Variants in COG6 observed in about 807,000 individuals in gnomAD.
The protein encoded by COG6 is conserved oligomeric Golgi complex subunit 6.
Under a neutral mutation model 88.8 loss-of-function variants are expected in COG6, and 74 were observed. The ratio of observed to expected loss-of-function variants is 0.83; its 90% CI spans 0.69 to 1.01. The LOEUF (loss-of-function observed/expected upper bound fraction) is 1.01. Among genes scored for constraint, COG6 ranks in the 50% least tolerant of loss-of-function variants. The pLI is 0.00. For synonymous variants in COG6, 286 were observed against 278.7 expected, an observed-to-expected ratio of 1.03 and a Z score of -0.26; for missense variants, 800 against 797.9, an observed-to-expected ratio of 1.00 and a Z score of -0.03.
chr13:39,721,692 AAAGT>A lies in COG6; in HGVS notation c.1585-1638_1585-1635del, dbSNP rs1878858497. ...AAGGTGTGGTTTATCACGTTTCTCC[AAAGT>A]AACAATTTACCTTGTTGGGTAAAGG... On this transcript the variant is annotated intron_variant, in intron 15 of 18. Transcript: ENST00000455146. Among the ~76,000 whole-genome samples, 3 of 152,246 alleles carry A rather than the reference AAAGT, an allele frequency of 2.0e-5. No individual in the cohort carries two copies. The South Asian group carries it at 6.2e-4, about 32-fold the overall frequency.
intron 18 of COG6, among the ~76,000 whole-genome samples, chr13:39,747,386 T>A (rs946492619): frequency 2.0e-5 from 3 of 152,188 alleles, no homozygotes; most frequent in African/African-American, 7.2e-5. Context: ...CTGTTGGCTT[T>A]AGCAGGCAGT....
intron 11 of COG6, among the ~76,000 whole-genome samples, chr13:39,694,056 A>G (rs2138020986): frequency 6.6e-6 from 1 of 151,972 alleles, no homozygotes; most frequent in African/African-American, 2.4e-5. Context: ...TTAATTAGAA[A>G]AGATTCATAT....
chr13:39,725,491 A>G (rs943427673), intron 17 of COG6, among the ~76,000 whole-genome samples: 4 of 152,060 alleles, frequency 2.6e-5, no homozygotes, highest in Admixed American at 6.6e-5. Context: ...AGGCTTTCCT[A>G]TATATTATCT....
At chr13:39,709,347 A>G (rs1054386905) in intron 13 of COG6, among the ~76,000 whole-genome samples, 1 of 152,008 alleles carries the variant, frequency 6.6e-6, no homozygotes, top group African/African-American at 2.4e-5. Flanking sequence ...TGTTACATTT[A>G]TATATTATGT....
chr13:39,776,508 C>T (rs1282516103), intron 18 of COG6, among the ~76,000 whole-genome samples: 2 of 152,184 alleles, frequency 1.3e-5, no homozygotes, highest in African/African-American at 4.8e-5. Context: ...AGTCCCCTTG[C>T]CTGGTAACGT....
At chr13:39,777,046 A>G (rs1233271148) in intron 18 of COG6, among the ~76,000 whole-genome samples, 5 of 152,200 alleles carry the variant, frequency 3.3e-5, no homozygotes, top group Non-Finnish European at 5.9e-5. Flanking sequence ...CAAATTAACA[A>G]CAACACTTGC....
rs1220177885 is a variant in COG6 at position 39,659,251 on chromosome 13, G to A, written c.154-113G>A. ...TTTGAAGGTCATTCAATATTTTTCG[G>A]ATTGGTTAATGAAAATAAATCATTT... is the stretch of plus-strand genomic sequence containing the variant. On this transcript the variant is annotated intron_variant, in intron 1 of 18. Coordinates refer to ENST00000455146, the MANE Select transcript of COG6 (RefSeq NM_020751.3). 2.8e-5 allele frequency: 28 copies of A among 992,362 alleles called. No homozygotes were observed. In the East Asian group the frequency reaches 7.0e-4, roughly 25 times the overall value. 61.5% of individuals were successfully genotyped at this position (992,362 alleles called of 1,614,324 possible). A position where few individuals can be genotyped will look rare whatever the true frequency, so the allele number is the denominator to read the frequency against.
chr13:39,786,407 A>C (rs926987355), intron 18 of COG6, among the ~76,000 whole-genome samples: 2 of 152,172 alleles, frequency 1.3e-5, no homozygotes, highest in African/African-American at 4.8e-5. Context: ...GGACAAGGGC[A>C]TGTGGTTCTA....
chr13:39,743,786 C>T (rs1880182713), intron 18 of COG6, among the ~76,000 whole-genome samples: 1 of 152,062 alleles, frequency 6.6e-6, no homozygotes, highest in Non-Finnish European at 1.5e-5. Flanking sequence ...CAAAGCCTGG[C>T]AGAGACACAA....
intron 18 of COG6, among the ~76,000 whole-genome samples, chr13:39,764,327 ATTT>A (rs138381502): frequency 6.7e-6 from 1 of 148,556 alleles, no homozygotes; most frequent in East Asian, 2.0e-4. Context: ...TACTTGGTTG[ATTT>A]TTTTTTTATT....
chr13:39,656,074 G>A (rs1030708417), intron 1 of COG6, 195 bp downstream of exon 1: 13 of 736,930 alleles, frequency 1.8e-5, no homozygotes, highest in Non-Finnish European at 3.2e-5. Flanking sequence ...GCAACCTCCG[G>A]AAAAGCGAAG....
chr13:39,656,160 CT>C (rs1566165685), intron 1 of COG6: 1 of 587,124 alleles, frequency 1.7e-6, no homozygotes, highest in South Asian at 1.5e-5. Context: ...ACGGTGGTGC[CT>C]CGAGAAGTGT....
At chr13:39,695,377 G>A (rs1440813688) in intron 12 of COG6, among the ~76,000 whole-genome samples, 1 of 151,628 alleles carries the variant, frequency 6.6e-6, no homozygotes, top group Non-Finnish European at 1.5e-5. Context: ...GTATACCCGT[G>A]AGTTTTATTA....
At chr13:39,737,200 G>A (rs977238040) in intron 18 of COG6, among the ~76,000 whole-genome samples, 3 of 152,086 alleles carry the variant, frequency 2.0e-5, no homozygotes, top group Non-Finnish European at 2.9e-5. Flanking sequence ...GAGCTGCCTC[G>A]GAGCTGGGGG....
At chr13:39,754,329 A>G (rs1416594033), downstream of COG6, among the ~76,000 whole-genome samples, 1 of 152,178 alleles carries the variant, frequency 6.6e-6, no homozygotes, top group East Asian at 1.9e-4. Context: ...GCAGTGAGAA[A>G]ATGAATGGTT....
intron 18 of COG6, among the ~76,000 whole-genome samples, chr13:39,733,454 G>T (rs1287063900): frequency 6.6e-6 from 1 of 152,090 alleles, no homozygotes; most frequent in Non-Finnish European, 1.5e-5. Context: ...CTCCCAAAGT[G>T]CTGGGATTAC....
chr13:39,679,313 A>C (rs893154363), intron 5 of COG6: 1 of 528,388 alleles, frequency 1.9e-6, no homozygotes. Flanking sequence ...TGTCAACACT[A>C]TTTGGCACAT....
downstream of COG6, among the ~76,000 whole-genome samples, chr13:39,755,390 A>G (rs1019518068): frequency 6.6e-6 from 1 of 152,166 alleles, no homozygotes; most frequent in Non-Finnish European, 1.5e-5. Flanking sequence ...ACCCATTTAA[A>G]AAACCGGCCT....
At chr13:39,691,293 C>T (rs1032595996) in intron 11 of COG6, among the ~76,000 whole-genome samples, 1 of 151,842 alleles carries the variant, frequency 6.6e-6, no homozygotes, top group African/African-American at 2.4e-5. Context: ...ACTTTATATA[C>T]TGAAGTCTGC....
Sources: gnomAD v4.1 joint callset for allele counts (sites outside exome capture counted in the v4.1 genomes callset) on GRCh38, gnomAD v4.1.1 for gene constraint, MANE v1.5 for transcripts, NCBI Gene and HGNC (gene_info 2026-07-23, HGNC 2026-07-21) for gene names.